The following SETBP1 variants were observed in gnomAD, a reference collection of about 807,000 sequenced individuals.
SETBP1 encodes the protein SET-binding protein.
In SETBP1, 9 loss-of-function variants were observed where a neutral mutation model predicts 101.0. The observed-to-expected ratio is 0.09, with a 90% CI of 0.05 to 0.16. The LOEUF is 0.16. Ranked by LOEUF, SETBP1 falls within the 10% of genes least tolerant of loss-of-function variation. The probability of loss-of-function intolerance (pLI) is 1.00; values close to 1 mark genes in which losing one functional copy is unlikely to be tolerated. For missense variants in SETBP1, 1,858 were observed against 2,033.8 expected (o/e 0.91, Z 1.66); for synonymous variants, 818 against 788.5 (o/e 1.04, Z -0.63).
At chr18:44,777,146 G>A (rs576611310) in intron 2 of SETBP1, among the ~76,000 whole-genome samples, 14 of 152,026 alleles carry the variant, frequency 9.2e-5, no homozygotes, top group Admixed American at 3.9e-4. Flanking sequence ...TGAGACCCCC[G>A]TGTCTACAAA....
chr18:44,847,860 G>T (rs968790965), intron 2 of SETBP1, among the ~76,000 whole-genome samples: 1 of 152,190 alleles, frequency 6.6e-6, no homozygotes. Flanking sequence ...GCCAGGAAAG[G>T]CCTTTCTGAG....
At chr18:44,730,223 AT>A (rs1301522470) in intron 2 of SETBP1, among the ~76,000 whole-genome samples, 1 of 152,214 alleles carries the variant, frequency 6.6e-6, no homozygotes, top group African/African-American at 2.4e-5. Flanking sequence ...ATTATATAAT[AT>A]AGGTTCTGCC....
At chr18:44,709,605 G>C (rs145982504) in intron 2 of SETBP1, among the ~76,000 whole-genome samples, 1 of 152,264 alleles carries the variant, frequency 6.6e-6, no homozygotes, top group Non-Finnish European at 1.5e-5. Flanking sequence ...AGTATGTCCT[G>C]CTCTCATTGC....
intron 3 of SETBP1, among the ~76,000 whole-genome samples, chr18:44,918,681 G>A (rs1013291992): frequency 3.9e-5 from 6 of 152,156 alleles, no homozygotes; most frequent in South Asian, 2.1e-4. Context: ...TAGCCTTCTC[G>A]TGCAGTTCTA....
At position 44,952,982 on chromosome 18, in the gene SETBP1, C is replaced by G; in HGVS notation, c.3642C>G (p.His1214Gln). ...ATAAGGAGAAACAGAAGCACCAGCA[C>G]AGCGAAGCCGGCCACAAAGCTTCTA... ...NKHKEKQKHQ[H>Q]SEAGHKASKN... The change falls in exon 4 of 6, where the codon CAC becomes CAG. Residue 1214 changes from histidine (H) to glutamine (Q), a missense_variant. Around this residue, in one of 12 missense-constraint regions of SETBP1, gnomAD observed 417 missense variants for 389.1 expected, o/e 1.07. Transcript: ENST00000649279. 1 of 1,614,160 alleles carries G rather than the reference C, an allele frequency of 6.2e-7. No individual in the cohort carries two copies. The highest frequency in any genetic ancestry group is 1.1e-5 in the South Asian group (1 of 91,086).
At chr18:44,828,749 T>C (rs1430465330) in intron 2 of SETBP1, among the ~76,000 whole-genome samples, 2 of 152,182 alleles carry the variant, frequency 1.3e-5, no homozygotes, top group Non-Finnish European at 2.9e-5. Flanking sequence ...GAAAAAGTAA[T>C]TGCGGTTAAG....
chr18:44,944,637 C>T (rs1197499121), intron 3 of SETBP1, among the ~76,000 whole-genome samples: 2 of 152,178 alleles, frequency 1.3e-5, no homozygotes, highest in Non-Finnish European at 2.9e-5. Context: ...CCTCATTGCT[C>T]CATACCCAGG....
At chr18:44,983,041 T>G (rs2072150355) in intron 4 of SETBP1, among the ~76,000 whole-genome samples, 1 of 152,150 alleles carries the variant, frequency 6.6e-6, no homozygotes, top group South Asian at 2.1e-4. Flanking sequence ...CTGTCTAATA[T>G]TTCCTGTGGA....
chr18:44,829,805 C>G (rs1443763757), intron 2 of SETBP1, among the ~76,000 whole-genome samples: 2 of 152,180 alleles, frequency 1.3e-5, no homozygotes, highest in Non-Finnish European at 2.9e-5. Context: ...TGGCCATGCT[C>G]AAGGCCAGAT....
At chr18:45,029,985 A>G (rs535001569) in intron 4 of SETBP1, among the ~76,000 whole-genome samples, 6,065 of 146,472 alleles carry the variant, frequency 0.041, 123 homozygotes, top group Non-Finnish European at 0.052. Context: ...CTCTTTTCCT[A>G]ATTGAATACC....
chr18:45,016,923 C>T (rs1419566280), intron 4 of SETBP1, among the ~76,000 whole-genome samples: 7 of 152,084 alleles, frequency 4.6e-5, no homozygotes, highest in Admixed American at 4.6e-4. Context: ...AAGGACTCCT[C>T]CGTCTCCTTT....
intron 2 of SETBP1, among the ~76,000 whole-genome samples, chr18:44,789,236 C>T (rs992569801): frequency 1.3e-5 from 2 of 152,132 alleles, no homozygotes; most frequent in African/African-American, 4.8e-5. Context: ...TGATCCTTTA[C>T]CAAAATAGCT....
At chr18:45,059,077 T>C (rs781685443) in intron 5 of SETBP1, among the ~76,000 whole-genome samples, 5 of 152,176 alleles carry the variant, frequency 3.3e-5, no homozygotes, top group African/African-American at 4.8e-5. Context: ...TTTTTTAACA[T>C]TGTGTTATCA....
At chr18:45,045,416 G>A (rs1411138893) in intron 5 of SETBP1, among the ~76,000 whole-genome samples, 1 of 152,216 alleles carries the variant, frequency 6.6e-6, no homozygotes, top group African/African-American at 2.4e-5. Flanking sequence ...GGGTGACAGA[G>A]CAAGCTCCAT....
chr18:44,809,519 A>G (rs528373316), intron 2 of SETBP1, among the ~76,000 whole-genome samples: 1 of 152,308 alleles, frequency 6.6e-6, no homozygotes, highest in South Asian at 2.1e-4. Context: ...GAAGGGATAT[A>G]TGGGGAACCA....
chr18:44,754,599 C>T (rs1243710602), intron 2 of SETBP1, among the ~76,000 whole-genome samples: 1 of 152,128 alleles, frequency 6.6e-6, no homozygotes, highest in African/African-American at 2.4e-5. Flanking sequence ...GTCTTGGCCT[C>T]TTAAAATAAG....
chr18:44,803,924 A>G (rs1181186998), intron 2 of SETBP1, among the ~76,000 whole-genome samples: 2 of 152,188 alleles, frequency 1.3e-5, no homozygotes, highest in Non-Finnish European at 1.5e-5. Context: ...CTGTTGCAAA[A>G]TGACAGAGAA....
upstream of SETBP1, chr18:44,680,344 C>T (rs1240264846): frequency 6.6e-6 from 1 of 151,396 alleles, no homozygotes; most frequent in Non-Finnish European, 1.5e-5. Flanking sequence ...CGACGGGAGC[C>T]GGGATCTGAG....
chr18:44,819,723 A>G (rs749922809), intron 2 of SETBP1, among the ~76,000 whole-genome samples: 1 of 152,148 alleles, frequency 6.6e-6, no homozygotes, highest in Non-Finnish European at 1.5e-5. Context: ...ACATGGCTTG[A>G]CTATCTTGGT....
Sources: allele counts gnomAD v4.1 joint callset (sites outside exome capture counted in the v4.1 genomes callset), GRCh38; gene constraint gnomAD v4.1.1; regional missense constraint gnomAD v4.1.1; transcripts MANE v1.5; gene names NCBI Gene and HGNC (gene_info 2026-07-23, HGNC 2026-07-21).